NFIB: variants seen among roughly 807,000 people sequenced by gnomAD.
The protein encoded by NFIB is nuclear factor 1 B-type.
A neutral mutation model predicts 61.5 loss-of-function variants in NFIB; 11 were observed. The ratio of observed to expected loss-of-function variants is 0.18; its 90% CI spans 0.11 to 0.30. The LOEUF is 0.30. Ranked by LOEUF, NFIB falls within the 10% of genes least tolerant of loss-of-function variation. NFIB has a pLI of 1.00. For missense variants in NFIB, 471 were observed against 608.9 expected, an observed-to-expected ratio of 0.77 and a Z score of 2.38; for synonymous variants, 260 against 216.5, an observed-to-expected ratio of 1.20 and a Z score of -1.76.
the NFIB span, among the ~76,000 whole-genome samples, chr9:14,475,353 TC>T: frequency 2.8e-4 from 42 of 152,306 alleles, no homozygotes; most frequent in African/African-American, 9.9e-4. Context: ...TAAGAACCTT[TC>T]GACCATTAGT....
the NFIB span, among the ~76,000 whole-genome samples, chr9:14,477,244 T>C: frequency 6.6e-6 from 1 of 152,180 alleles, no homozygotes; most frequent in Non-Finnish European, 1.5e-5. Context: ...GCATTTTCTT[T>C]CTTTGATTAC....
At chr9:14,365,131 C>T (rs943808754) in intron 1 of NFIB, among the ~76,000 whole-genome samples, 8 of 152,268 alleles carry the variant, frequency 5.3e-5, no homozygotes, top group African/African-American at 1.9e-4. Context: ...CTGCACATGC[C>T]AAGGACTTAG....
chr9:14,258,134 G>C (rs1338916450), intron 2 of NFIB, among the ~76,000 whole-genome samples: 1 of 152,134 alleles, frequency 6.6e-6, no homozygotes, highest in Non-Finnish European at 1.5e-5. Context: ...GAATTTAATA[G>C]AAGCAAAGGT....
chr9:14,358,468 C>T (rs181369971), intron 1 of NFIB, among the ~76,000 whole-genome samples: 16 of 152,152 alleles, frequency 1.1e-4, no homozygotes, highest in South Asian at 6.2e-4. Context: ...TTTGCAGGTA[C>T]GTGCATACCC....
At chr9:14,241,603 C>G (rs1204290144) in intron 2 of NFIB, among the ~76,000 whole-genome samples, 1 of 151,962 alleles carries the variant, frequency 6.6e-6, no homozygotes, top group Non-Finnish European at 1.5e-5. Context: ...CATAGTTGTT[C>G]CCTCCCCACC....
chr9:14,508,588 T>C, the NFIB span, among the ~76,000 whole-genome samples: 1 of 152,224 alleles, frequency 6.6e-6, no homozygotes, highest in African/African-American at 2.4e-5. Context: ...TTGTGTCCCA[T>C]ATCACGGAGA....
the NFIB span, among the ~76,000 whole-genome samples, chr9:14,424,961 C>T: frequency 1.3e-5 from 2 of 152,248 alleles, no homozygotes; most frequent in East Asian, 3.9e-4. Context: ...GTGAATTGAT[C>T]AGCTCTGTTC....
chr9:14,528,001 G>A, the NFIB span, among the ~76,000 whole-genome samples: 1 of 151,932 alleles, frequency 6.6e-6, no homozygotes, highest in South Asian at 2.1e-4. Flanking sequence ...AAATTCTTTA[G>A]TTTTTAGTAA....
At chr9:14,267,249 A>G (rs2057277704) in intron 2 of NFIB, among the ~76,000 whole-genome samples, 1 of 152,226 alleles carries the variant, frequency 6.6e-6, no homozygotes, top group African/African-American at 2.4e-5. Flanking sequence ...GATCTTTTAC[A>G]TATAAAATAT....
intron 2 of NFIB, among the ~76,000 whole-genome samples, chr9:14,257,969 T>C (rs969526520): frequency 5.3e-5 from 8 of 152,222 alleles, no homozygotes; most frequent in African/African-American, 1.9e-4. Flanking sequence ...AGATTTTGTT[T>C]AAATAATACA....
chr9:14,466,113 G>A, the NFIB span, among the ~76,000 whole-genome samples: 1 of 152,134 alleles, frequency 6.6e-6, no homozygotes, highest in Non-Finnish European at 1.5e-5. Context: ...TTCCCTGATG[G>A]CCTCACGGGT....
intron 2 of NFIB, among the ~76,000 whole-genome samples, chr9:14,282,810 T>C (rs975394942): frequency 7.2e-5 from 11 of 152,242 alleles, no homozygotes; most frequent in Admixed American, 2.0e-4. Context: ...GCTTCAGACC[T>C]GAACACCTGG....
At chr9:14,187,783 A>G (rs373258179) in intron 2 of NFIB, among the ~76,000 whole-genome samples, 8 of 152,322 alleles carry the variant, frequency 5.3e-5, no homozygotes, top group South Asian at 2.1e-4. Flanking sequence ...AAAAAAAATC[A>G]TATTATCAAA....
chr9:14,373,531 G>A (rs532042990), intron 1 of NFIB, among the ~76,000 whole-genome samples: 1 of 151,858 alleles, frequency 6.6e-6, no homozygotes, highest in Admixed American at 6.6e-5. Context: ...TTTTAAAGGG[G>A]GAAGTTGATG....
At chr9:14,467,947 T>C in the NFIB span, among the ~76,000 whole-genome samples, 42 of 152,368 alleles carry the variant, frequency 2.8e-4, no homozygotes, top group Admixed American at 2.7e-3. Flanking sequence ...ATCTGTGCAA[T>C]TCCAAGTGTG....
chr9:14,486,469 A>G, the NFIB span, among the ~76,000 whole-genome samples: 1 of 152,206 alleles, frequency 6.6e-6, no homozygotes, highest in Non-Finnish European at 1.5e-5. Flanking sequence ...AAGGTGAAGT[A>G]AGGAGGAAAA....
chr9:14,346,862 C>T (rs556897967), intron 1 of NFIB, among the ~76,000 whole-genome samples: 8 of 152,284 alleles, frequency 5.3e-5, no homozygotes, highest in African/African-American at 9.6e-5. Context: ...CTATCAACTG[C>T]TACCTATTGC....
intron 10 of NFIB, among the ~76,000 whole-genome samples, chr9:14,100,691 T>C (rs957787934): frequency 6.6e-6 from 1 of 152,208 alleles, no homozygotes; most frequent in Non-Finnish European, 1.5e-5. Context: ...TCCAGCCTGG[T>C]TGACAGAGCG....
chr9:14,464,316 G>A, the NFIB span, among the ~76,000 whole-genome samples: 2 of 152,164 alleles, frequency 1.3e-5, no homozygotes, highest in Non-Finnish European at 2.9e-5. Context: ...TAATGAAGGA[G>A]GTACAGAGAC....
Sources: gnomAD v4.1 joint callset for allele counts (sites outside exome capture counted in the v4.1 genomes callset) on GRCh38, gnomAD v4.1.1 for gene constraint, MANE v1.5 for transcripts, NCBI Gene and HGNC (gene_info 2026-07-23, HGNC 2026-07-21) for gene names.